The following GRIN2B variants were observed in gnomAD, a reference collection of about 807,000 sequenced individuals.
GRIN2B encodes glutamate ionotropic receptor NMDA type subunit 2B, also known as glutamate receptor ionotropic, NMDA 2B.
Under a neutral mutation model 114.5 loss-of-function variants are expected in GRIN2B, and 5 were observed. That is an observed-to-expected ratio of 0.04 (90% CI 0.02 to 0.09). GRIN2B has a LOEUF of 0.09. GRIN2B is among the 10% of genes least tolerant of loss of function. The pLI, the probability that GRIN2B is intolerant of heterozygous loss-of-function variation, is 1.00. For missense variants in GRIN2B, 1,108 were observed against 1,943.5 expected, an observed-to-expected ratio of 0.57 and a Z score of 8.08; for synonymous variants, 787 against 745.1, an observed-to-expected ratio of 1.06 and a Z score of -0.92.
At chr12:13,579,865 G>A (rs565540199) in intron 10 of GRIN2B, among the ~76,000 whole-genome samples, 1 of 152,322 alleles carries the variant, frequency 6.6e-6, no homozygotes, top group East Asian at 1.9e-4. Flanking sequence ...TAAATTTCCT[G>A]AAAGGCTTCT....
chr12:13,917,094 T>C (rs573180378), intron 2 of GRIN2B, among the ~76,000 whole-genome samples: 3 of 152,206 alleles, frequency 2.0e-5, no homozygotes, highest in African/African-American at 7.2e-5. Context: ...TGGCCCCATT[T>C]TTATTTTCAA....
chr12:13,956,309 G>A (rs1867591477), intron 2 of GRIN2B, among the ~76,000 whole-genome samples: 1 of 152,148 alleles, frequency 6.6e-6, no homozygotes, highest in Non-Finnish European at 1.5e-5. Flanking sequence ...AGGAAAACAA[G>A]GACTTCATTC....
At chr12:13,935,442 C>T (rs1388006964) in intron 2 of GRIN2B, among the ~76,000 whole-genome samples, 5 of 152,194 alleles carry the variant, frequency 3.3e-5, no homozygotes, top group African/African-American at 1.2e-4. Context: ...AGTAACAATA[C>T]ACTGAATGAT....
chr12:13,828,929 G>A (rs1865100694), intron 3 of GRIN2B, among the ~76,000 whole-genome samples: 1 of 152,078 alleles, frequency 6.6e-6, no homozygotes, highest in African/African-American at 2.4e-5. Context: ...ACATTATCTG[G>A]TGCCTGTCTT....
chr12:13,790,472 A>C (rs148294202), intron 3 of GRIN2B, among the ~76,000 whole-genome samples: 84 of 152,316 alleles, frequency 5.5e-4, no homozygotes, highest in African/African-American at 2.0e-3. Flanking sequence ...CTAATCATAA[A>C]TCCACCTGAC....
intron 2 of GRIN2B, among the ~76,000 whole-genome samples, chr12:13,880,453 G>A (rs1032343661): frequency 1.3e-5 from 2 of 152,154 alleles, no homozygotes; most frequent in African/African-American, 4.8e-5. Context: ...AGATCGGGAG[G>A]AAGAGGAACA....
intron 3 of GRIN2B, among the ~76,000 whole-genome samples, chr12:13,843,829 G>A (rs1001538683): frequency 2.6e-5 from 4 of 152,138 alleles, no homozygotes; most frequent in African/African-American, 9.7e-5. Context: ...TTTGAAATGT[G>A]TCATGTTATA....
chr12:13,782,781 A>T (rs1477501646), intron 3 of GRIN2B, among the ~76,000 whole-genome samples: 2 of 152,132 alleles, frequency 1.3e-5, no homozygotes. Context: ...TTATCTCCCC[A>T]TCACACTCCT....
At position 13,865,935 on chromosome 12, in the gene GRIN2B, G is replaced by T. The variant is rs1436757161; in HGVS notation, c.274C>A (p.Arg92=). 5 of 1,614,012 alleles carry T rather than the reference G, an allele frequency of 3.1e-6. No individual in the cohort carries two copies. The highest frequency in any genetic ancestry group is 3.4e-6 in the Non-Finnish European group (4 of 1,179,982). The part of the protein sequence containing the change: ...ITRICDLMSD[R]KIQGVVFADD... ...GCAAACACCACCCCCTGGATCTTCC[G>T]GTCAGACATGAGATCACAGATGCGG... The change falls in exon 3 of 14, where the codon CGG becomes AGG. Residue 92 remains arginine (R), a synonymous_variant. Transcript: ENST00000609686.
chr12:13,912,293 CAAAAGAGAGGAGA>C, intron 2 of GRIN2B, among the ~76,000 whole-genome samples: 1 of 151,720 alleles, frequency 6.6e-6, no homozygotes, highest in Admixed American at 6.6e-5. Flanking sequence ...GAGAGAGAAG[CAAAAGAGAGGAGA>C]AACAAGCAGA....
chr12:13,811,471 C>G (rs972005349), intron 3 of GRIN2B, among the ~76,000 whole-genome samples: 8 of 152,202 alleles, frequency 5.3e-5, no homozygotes, highest in African/African-American at 1.9e-4. Context: ...TTTTCAGCTA[C>G]TTGGAAGACT....
At chr12:13,762,186 G>C (rs1048939687) in intron 3 of GRIN2B, among the ~76,000 whole-genome samples, 3 of 152,052 alleles carry the variant, frequency 2.0e-5, no homozygotes, top group Admixed American at 1.3e-4. Context: ...TGTATTTTTA[G>C]TAAAGACGGG....
intron 4 of GRIN2B, among the ~76,000 whole-genome samples, chr12:13,724,939 A>G (rs1050476262): frequency 6.6e-6 from 1 of 152,160 alleles, no homozygotes; most frequent in African/African-American, 2.4e-5. Flanking sequence ...GGTGTCTAGG[A>G]CATAGCAGGT....
rs549839161 is a variant in GRIN2B at position 13,564,553 on chromosome 12, G to A, written c.2685C>T (p.His895=). 2 of 1,614,154 alleles carry A rather than the reference G, an allele frequency of 1.2e-6. No homozygotes were observed. Among genetic ancestry groups the A allele is most frequent in the Admixed American group, 1.7e-5 (1 of 60,034 alleles). The change falls in exon 14 of 14, where the codon CAC becomes CAT. Residue 895 remains histidine, a synonymous_variant. Transcript: ENST00000609686. This position sits in a 1 kb window ranked among gnomAD's most constrained non-coding sequence, Gnocchi z 4.8. ...NSPTATMNNT[H]SNILRLLRTA... is the part of the protein sequence containing the mutation. Reference sequence around the variant, plus strand: ...TGCGCAGCAGGCGCAGGATGTTGGAGTGTGTGTTGTTCATGGTTGCGGTGG... The same window carrying A: ...TGCGCAGCAGGCGCAGGATGTTGGAATGTGTGTTGTTCATGGTTGCGGTGG...
intron 3 of GRIN2B, among the ~76,000 whole-genome samples, chr12:13,760,116 T>A (rs1422668329): frequency 6.6e-6 from 1 of 152,224 alleles, no homozygotes; most frequent in Non-Finnish European, 1.5e-5. Flanking sequence ...GATCCCCTTG[T>A]CCAGCTTTGC....
chr12:13,815,736 C>A (rs745785680), intron 3 of GRIN2B, among the ~76,000 whole-genome samples: 2 of 152,182 alleles, frequency 1.3e-5, no homozygotes, highest in African/African-American at 2.4e-5. Context: ...TTATGCCTAA[C>A]TTTGAAGTGA....
At position 13,753,194 on chromosome 12, in the gene GRIN2B, A is replaced by C; in HGVS notation, c.1010+123T>G. The C allele has an allele frequency of 1.3e-6, 1 of 783,986 alleles. No individual in the cohort carries two copies. Among genetic ancestry groups the C allele is most frequent in the Non-Finnish European group, 2.3e-6 (1 of 432,436 alleles). 48.6% of individuals were successfully genotyped at this position (783,986 alleles called of 1,614,324 possible). On this transcript the variant is annotated intron_variant, in intron 4 of 13. Coordinates refer to ENST00000609686, the MANE Select transcript of GRIN2B (RefSeq NM_000834.5). The surrounding 1 kb of genome is among the most constrained non-coding windows in gnomAD (Gnocchi z 6.2). Reference sequence around the variant, plus strand: ...CAATCATGACCAATTGCCATGCCCAAGGCCAGGCTTCAACCTGCTACCGTC... The same window carrying C: ...CAATCATGACCAATTGCCATGCCCACGGCCAGGCTTCAACCTGCTACCGTC...
chr12:13,677,828 TC>T (rs776054427), intron 4 of GRIN2B, among the ~76,000 whole-genome samples: 11 of 152,278 alleles, frequency 7.2e-5, no homozygotes, highest in Middle Eastern at 3.4e-3. Context: ...CATGAGAGTT[TC>T]TCAAGTATTT....
intron 3 of GRIN2B, among the ~76,000 whole-genome samples, chr12:13,778,640 TAC>T (rs762504380): frequency 1.3e-5 from 2 of 152,224 alleles, no homozygotes; most frequent in Non-Finnish European, 2.9e-5. Flanking sequence ...CATGAGTGCT[TAC>T]CAGCTAAACT....
Sources: allele counts gnomAD v4.1 joint callset (sites outside exome capture counted in the v4.1 genomes callset), GRCh38; gene constraint gnomAD v4.1.1; non-coding constraint Gnocchi (gnomAD v3.1); transcripts MANE v1.5; gene names NCBI Gene and HGNC (gene_info 2026-07-23, HGNC 2026-07-21).